SH3BP4: variants seen among roughly 807,000 people sequenced by gnomAD.
The protein encoded by SH3BP4 is SH3 domain binding protein 4.
In SH3BP4, 33 loss-of-function variants were observed where a neutral mutation model predicts 65.5. The ratio of observed to expected loss-of-function variants is 0.50; its 90% CI spans 0.38 to 0.67. The LOEUF (loss-of-function observed/expected upper bound fraction) is 0.67. SH3BP4 is among the 30% of genes least tolerant of loss of function. The pLI, the probability that SH3BP4 is intolerant of heterozygous loss-of-function variation, is 0.00. For synonymous variants in SH3BP4, 552 were observed against 545.5 expected (o/e 1.01, Z -0.17); for missense variants, 1,134 against 1,261.4 (o/e 0.90, Z 1.53).
At chr2:234,988,368 C>T (rs116394413) in intron 1 of SH3BP4, among the ~76,000 whole-genome samples, 143 of 152,290 alleles carry the variant, frequency 9.4e-4, no homozygotes, top group African/African-American at 3.2e-3. Flanking sequence ...CCGCCAGCCA[C>T]GTTTTTAAGT....
chr2:234,986,690 T>A, intron 1 of SH3BP4, among the ~76,000 whole-genome samples: 1 of 152,214 alleles, frequency 6.6e-6, no homozygotes, highest in Non-Finnish European at 1.5e-5. Context: ...AGTTCTCTTA[T>A]CTGCTAAATG....
Position 235,042,568 on chromosome 2 carries a change from T to C in SH3BP4, c.1799T>C (p.Ile600Thr), listed in dbSNP as rs756447204. ...RVQVKDDQEAILTQFCVQTPQ... is the reference protein window; with the variant it reads ...RVQVKDDQEATLTQFCVQTPQ... ...CAGGTGAAGGACGACCAGGAGGCCA[T>C]CCTCACCCAGTTTTGTGTCCAGACT... Residue 600 changes from isoleucine to threonine, a missense_variant, in exon 4 of 6, where the codon ATC becomes ACC. By Grantham distance (89) the Ile-to-Thr change is moderately conservative (BLOSUM62 -1). Coordinates refer to ENST00000392011, the MANE Select transcript of SH3BP4 (RefSeq NM_014521.3). The surrounding 1 kb of genome is among the most constrained non-coding windows in gnomAD (Gnocchi z 7.3). 4 of 1,613,916 alleles carry C rather than the reference T, an allele frequency of 2.5e-6. No homozygotes were observed. The highest frequency in any genetic ancestry group is 1.7e-5 in the Admixed American group (1 of 60,002).
intron 1 of SH3BP4, among the ~76,000 whole-genome samples, chr2:234,975,675 A>G (rs1000833516): frequency 1.2e-4 from 19 of 152,154 alleles, no homozygotes; most frequent in African/African-American, 4.3e-4. Context: ...CAGGAGTTCA[A>G]ATCCAGCCTG....
Position 235,038,364 on chromosome 2 carries a change from ATAATATATATACATATATATATAT to A in SH3BP4, c.119-2523_119-2500del, listed in dbSNP as rs1559254537. Among the ~76,000 whole-genome samples, 66 of 33,490 alleles carry A rather than the reference ATAATATATATACATATATATATAT, an allele frequency of 2.0e-3. 8 individuals are homozygous for A. Among genetic ancestry groups the A allele is most frequent in the African/African-American group, 0.016 (62 of 3,884 alleles). 22.0% of individuals were successfully genotyped at this position (33,490 alleles called of 152,430 possible). The stretch of plus-strand genomic sequence containing the variant: ...GTATATATATTTTATATATATATAT[ATAATATATATACATATATATATAT>A]ATATATATATATATATATATATATA... On this transcript the variant is annotated intron_variant, in intron 3 of 5. Transcript: ENST00000392011.
At chr2:234,960,916 C>G (rs979555477) in intron 1 of SH3BP4, among the ~76,000 whole-genome samples, 27 of 152,280 alleles carry the variant, frequency 1.8e-4, no homozygotes, top group African/African-American at 6.5e-4. Context: ...CAGCCATTGT[C>G]AGGGAACAAT....
chr2:235,022,729 G>A (rs1296539933), intron 2 of SH3BP4, among the ~76,000 whole-genome samples: 1 of 152,142 alleles, frequency 6.6e-6, no homozygotes, highest in Non-Finnish European at 1.5e-5. Flanking sequence ...AGTCTTCCAG[G>A]ACTGCTTTTG....
chr2:235,013,496 T>C (rs1241210962), intron 2 of SH3BP4, among the ~76,000 whole-genome samples: 1 of 152,206 alleles, frequency 6.6e-6, no homozygotes, highest in Non-Finnish European at 1.5e-5. Context: ...TGACTAGGGA[T>C]GGGCACTCAT....
intron 1 of SH3BP4, among the ~76,000 whole-genome samples, chr2:234,970,913 T>C (rs1692981955): frequency 6.6e-6 from 1 of 152,046 alleles, no homozygotes; most frequent in South Asian, 2.1e-4. Context: ...AAGGTAGATG[T>C]GGGGATGGCT....
chr2:234,994,011 A>G (rs942078489), intron 1 of SH3BP4, among the ~76,000 whole-genome samples: 3 of 152,028 alleles, frequency 2.0e-5, no homozygotes, highest in South Asian at 2.1e-4. Context: ...CGTAGCGTTC[A>G]TTGATTCTTT....
intron 2 of SH3BP4, among the ~76,000 whole-genome samples, chr2:235,010,442 CA>C (rs1694443738): frequency 6.6e-6 from 1 of 152,206 alleles, no homozygotes; most frequent in Non-Finnish European, 1.5e-5. Context: ...GGCTTCTCTG[CA>C]TCTCGGTTTC....
chr2:235,010,483 T>C (rs929116138), intron 2 of SH3BP4, among the ~76,000 whole-genome samples: 3 of 152,224 alleles, frequency 2.0e-5, no homozygotes, highest in Non-Finnish European at 4.4e-5. Context: ...TCATAATCCT[T>C]ATCTGTCTCA....
chr2:234,998,796 G>T (rs903357460), intron 2 of SH3BP4, among the ~76,000 whole-genome samples: 1 of 152,192 alleles, frequency 6.6e-6, no homozygotes, highest in South Asian at 2.1e-4. Context: ...CATGGCCTTC[G>T]ATCTGTGACA....
Position 235,034,426 on chromosome 2 carries a change from A to G in SH3BP4, c.-132-445A>G, listed in dbSNP as rs1036203928. Reference sequence around the variant, plus strand: ...CATTGATGGCTGCTTCCCGGGGCCGAGTCACCATGATGACTGCCCCTGCGC... The same window carrying G: ...CATTGATGGCTGCTTCCCGGGGCCGGGTCACCATGATGACTGCCCCTGCGC... On this transcript the variant is annotated intron_variant, in intron 2 of 5. Coordinates refer to ENST00000392011, the MANE Select transcript of SH3BP4 (RefSeq NM_014521.3). This position sits in a 1 kb window ranked among gnomAD's most constrained non-coding sequence, Gnocchi z 6.2. 6.6e-6 allele frequency among the ~76,000 whole-genome samples: 1 copy of G among 152,036 alleles called. No homozygotes were observed. Among genetic ancestry groups the G allele is most frequent in the Admixed American group, 6.6e-5 (1 of 15,266 alleles).
intron 1 of SH3BP4, among the ~76,000 whole-genome samples, chr2:234,975,510 G>A (rs1460660906): frequency 6.6e-6 from 1 of 152,196 alleles, no homozygotes; most frequent in Non-Finnish European, 1.5e-5. Flanking sequence ...ACTGTAAGTG[G>A]CTTCATTTCA....
chr2:235,005,381 A>C (rs896609907), intron 2 of SH3BP4, among the ~76,000 whole-genome samples: 5 of 151,908 alleles, frequency 3.3e-5, no homozygotes, highest in Non-Finnish European at 7.4e-5. Context: ...GGCTCCCCTG[A>C]CTGGGGGTCC....
chr2:235,016,457 G>T (rs1297475403), intron 2 of SH3BP4, among the ~76,000 whole-genome samples: 3 of 152,038 alleles, frequency 2.0e-5, no homozygotes, highest in Non-Finnish European at 4.4e-5. Flanking sequence ...GCTGGGCCTG[G>T]GGAGTTGACC....
chr2:234,999,634 TG>T (rs952145294), intron 2 of SH3BP4, among the ~76,000 whole-genome samples: 9 of 152,204 alleles, frequency 5.9e-5, no homozygotes, highest in Admixed American at 1.3e-4. Flanking sequence ...TCAATTTCCT[TG>T]GGCCTCAGTT....
chr2:235,001,580 A>G (rs1237631502), intron 2 of SH3BP4, among the ~76,000 whole-genome samples: 1 of 152,202 alleles, frequency 6.6e-6, no homozygotes, highest in Non-Finnish European at 1.5e-5. Context: ...CTTACAGAAC[A>G]GGGAAGACCT....
intron 1 of SH3BP4, among the ~76,000 whole-genome samples, chr2:234,963,896 C>T (rs1177773426): frequency 6.6e-6 from 1 of 152,178 alleles, no homozygotes; most frequent in African/African-American, 2.4e-5. Context: ...CCTCTGGGTT[C>T]ACTAAGGGGA....
Sources: allele counts gnomAD v4.1 joint callset (sites outside exome capture counted in the v4.1 genomes callset), GRCh38; gene constraint gnomAD v4.1.1; non-coding constraint Gnocchi (gnomAD v3.1); transcripts MANE v1.5; gene names NCBI Gene and HGNC (gene_info 2026-07-23, HGNC 2026-07-21).